The following PRKG1 variants were observed in gnomAD, a reference collection of about 807,000 sequenced individuals.
PRKG1 encodes protein kinase cGMP-dependent 1.
A neutral mutation model predicts 88.1 loss-of-function variants in PRKG1; 35 were observed. The ratio of observed to expected loss-of-function variants is 0.40; its 90% confidence interval spans 0.30 to 0.53. The LOEUF (loss-of-function observed/expected upper bound fraction) is 0.53. Ranked by LOEUF, PRKG1 falls within the 20% of genes least tolerant of loss-of-function variation. The pLI is 0.59. For missense variants in PRKG1, 540 were observed against 839.8 expected (o/e 0.64, Z 4.41); for synonymous variants, 303 against 292.5 (o/e 1.04, Z -0.37).
chr10:51,552,864 T>C (rs1837175447), intron 3 of PRKG1, among the ~76,000 whole-genome samples: 1 of 151,606 alleles, frequency 6.6e-6, no homozygotes, highest in Admixed American at 6.6e-5. Flanking sequence ...TCAGTTTGGC[T>C]CCTGTCAGCA....
chr10:52,062,566 TGAA>T lies in PRKG1; in HGVS notation c.873_875del (p.Glu291del). 2 of 1,606,416 alleles carry T rather than the reference TGAA, an allele frequency of 1.2e-6. No homozygotes were observed. The highest frequency in any genetic ancestry group is 1.7e-6 in the Non-Finnish European group (2 of 1,177,538). On this transcript the variant is annotated inframe_deletion, in exon 7 of 18. Transcript: ENST00000373980. ...ATGTCACTCGTGAAGACTCACCGAG[TGAA>T]GACCCAGTCTTTCTTAGAACTTTAG...
chr10:52,182,847 A>G (rs1211511716), intron 9 of PRKG1, among the ~76,000 whole-genome samples: 1 of 151,920 alleles, frequency 6.6e-6, no homozygotes, highest in Non-Finnish European at 1.5e-5. Context: ...GCCTTGTAGT[A>G]TAGTTTGAAG....
intron 8 of PRKG1, among the ~76,000 whole-genome samples, chr10:52,142,813 A>G (rs1837619169): frequency 6.6e-6 from 1 of 152,116 alleles, no homozygotes; most frequent in Non-Finnish European, 1.5e-5. Flanking sequence ...CCGTCCTTTT[A>G]CTTGCCATAC....
chr10:51,702,340 A>G (rs1215975706), intron 3 of PRKG1, among the ~76,000 whole-genome samples: 2 of 152,238 alleles, frequency 1.3e-5, no homozygotes, highest in Admixed American at 6.5e-5. Context: ...TTCCATGCCC[A>G]GAACACATGA....
chr10:51,697,744 GA>G, intron 3 of PRKG1: 1 of 1,614,108 alleles, frequency 6.2e-7, no homozygotes, highest in Non-Finnish European at 8.5e-7. Flanking sequence ...TTAAAATCAG[GA>G]TACTCTGCCT....
chr10:51,414,168 G>A (rs921162444), intron 2 of PRKG1, among the ~76,000 whole-genome samples: 2 of 152,154 alleles, frequency 1.3e-5, no homozygotes, highest in Non-Finnish European at 2.9e-5. Flanking sequence ...ACAGCAATGT[G>A]CCCCGTCACT....
chr10:51,801,512 C>G (rs1839173236), intron 3 of PRKG1, among the ~76,000 whole-genome samples: 1 of 152,070 alleles, frequency 6.6e-6, no homozygotes, highest in Non-Finnish European at 1.5e-5. Context: ...TGTTTTCTAT[C>G]CCGTAGATCT....
At chr10:51,974,970 T>C (rs553146230) in intron 5 of PRKG1, among the ~76,000 whole-genome samples, 14 of 152,166 alleles carry the variant, frequency 9.2e-5, no homozygotes, top group Admixed American at 2.0e-4. Flanking sequence ...TAGACAAAGA[T>C]TCTCAATCTG....
At chr10:52,229,224 A>G (rs1406531276) in intron 9 of PRKG1, among the ~76,000 whole-genome samples, 1 of 152,244 alleles carries the variant, frequency 6.6e-6, no homozygotes, top group Non-Finnish European at 1.5e-5. Context: ...ACATTATAAA[A>G]GACCTTTTTA....
chr10:51,699,289 A>C (rs776137138), intron 3 of PRKG1: 3 of 1,613,882 alleles, frequency 1.9e-6, no homozygotes, highest in Non-Finnish European at 2.5e-6. Flanking sequence ...TGTCCACCCG[A>C]AGCGCTCTCC....
intron 13 of PRKG1, among the ~76,000 whole-genome samples, chr10:52,281,317 G>GA (rs1189437917): frequency 6.6e-6 from 1 of 151,910 alleles, no homozygotes; most frequent in African/African-American, 2.4e-5. Context: ...AATGCTAATG[G>GA]AAAAAAATGT....
At chr10:51,027,264 CA>C (rs1843219958) in intron 1 of PRKG1, among the ~76,000 whole-genome samples, 1 of 152,190 alleles carries the variant, frequency 6.6e-6, no homozygotes, top group Non-Finnish European at 1.5e-5. Flanking sequence ...TTTAGCATCT[CA>C]TTGATCCTGT....
chr10:51,533,899 A>G (rs1842078213), intron 3 of PRKG1, among the ~76,000 whole-genome samples: 1 of 152,204 alleles, frequency 6.6e-6, no homozygotes, highest in Non-Finnish European at 1.5e-5. Flanking sequence ...AATTTTATCT[A>G]GCTTAACCGT....
intron 5 of PRKG1, among the ~76,000 whole-genome samples, chr10:51,955,550 A>G (rs182968503): frequency 2.6e-5 from 4 of 152,292 alleles, no homozygotes; most frequent in Admixed American, 2.0e-4. Flanking sequence ...GTAGCACTCA[A>G]ATGAAGATTT....
At chr10:51,236,943 C>T (rs528375783) in intron 2 of PRKG1, among the ~76,000 whole-genome samples, 1 of 152,316 alleles carries the variant, frequency 6.6e-6, no homozygotes, top group East Asian at 1.9e-4. Context: ...TCACAAGGCT[C>T]TTCCTGATGT....
chr10:51,826,165 G>A (rs773128445), intron 4 of PRKG1, among the ~76,000 whole-genome samples: 6 of 152,028 alleles, frequency 3.9e-5, no homozygotes, highest in Non-Finnish European at 8.8e-5. Flanking sequence ...TTAGACTGTG[G>A]TAGTACATTT....
At chr10:52,025,661 T>G (rs189874844) in intron 5 of PRKG1, among the ~76,000 whole-genome samples, 2,009 of 151,722 alleles carry the variant, frequency 0.013, 55 homozygotes, top group African/African-American at 0.046. Flanking sequence ...ATTTCTGAGG[T>G]CTCTGTTCTG....
At chr10:51,226,100 A>C (rs1394465292) in intron 2 of PRKG1, among the ~76,000 whole-genome samples, 1 of 152,124 alleles carries the variant, frequency 6.6e-6, no homozygotes, top group East Asian at 1.9e-4. Flanking sequence ...GCTACTCAGA[A>C]GGCTGAGGCA....
chr10:51,075,672 C>T (rs1262639398), intron 1 of PRKG1, among the ~76,000 whole-genome samples: 1 of 152,198 alleles, frequency 6.6e-6, no homozygotes, highest in African/African-American at 2.4e-5. Flanking sequence ...GCACACTTAT[C>T]TTATTTAAAA....
Sources: gnomAD v4.1 joint callset for allele counts (sites outside exome capture counted in the v4.1 genomes callset) on GRCh38, gnomAD v4.1.1 for gene constraint, MANE v1.5 for transcripts, NCBI Gene and HGNC (gene_info 2026-07-23, HGNC 2026-07-21) for gene names.